The following LRFN5 variants were observed in gnomAD, a reference collection of about 807,000 sequenced individuals.
LRFN5 encodes the protein leucine-rich repeat and fibronectin type-III domain-containing protein 5.
A neutral mutation model predicts 45.6 loss-of-function variants in LRFN5; 24 were observed. That is an observed-to-expected ratio of 0.53 (90% CI 0.38 to 0.74). The LOEUF is 0.74. Among genes scored for constraint, LRFN5 ranks in the 30% least tolerant of loss-of-function variants. The probability of loss-of-function intolerance (pLI) is 0.00; values close to 1 mark genes in which losing one functional copy is unlikely to be tolerated. For synonymous variants in LRFN5, 340 were observed against 313.8 expected (o/e 1.08, Z -0.88); for missense variants, 776 against 861.5 (o/e 0.90, Z 1.24).
chr14:41,849,160 A>G (rs1365707823), intron 2 of LRFN5, among the ~76,000 whole-genome samples: 5 of 152,006 alleles, frequency 3.3e-5, no homozygotes, highest in African/African-American at 9.7e-5. Flanking sequence ...AACAAATTTT[A>G]CTTCCATTAG....
chr14:41,892,297 A>G, intron 4 of LRFN5: 1 of 962,824 alleles, frequency 1.0e-6, no homozygotes, highest in Non-Finnish European at 1.2e-6. Flanking sequence ...TACAGTATAT[A>G]TATATACACA....
chr14:41,804,998 T>C (rs1887470102), intron 2 of LRFN5, among the ~76,000 whole-genome samples: 1 of 152,104 alleles, frequency 6.6e-6, no homozygotes, highest in Admixed American at 6.6e-5. Context: ...CCATTAGTGA[T>C]GGTAATGGTT....
intron 3 of LRFN5, among the ~76,000 whole-genome samples, chr14:41,888,421 G>A (rs986947236): frequency 1.3e-5 from 2 of 152,092 alleles, no homozygotes; most frequent in African/African-American, 4.8e-5. Flanking sequence ...ATTATCTTTA[G>A]AACCTTCGTC....
chr14:41,673,058 A>G (rs1881312449), intron 1 of LRFN5, among the ~76,000 whole-genome samples: 2 of 152,044 alleles, frequency 1.3e-5, no homozygotes, highest in Non-Finnish European at 2.9e-5. Context: ...ATTTTTTCAC[A>G]AGGCAGAAGA....
At chr14:41,752,937 T>G (rs920760195) in intron 1 of LRFN5, among the ~76,000 whole-genome samples, 4 of 152,208 alleles carry the variant, frequency 2.6e-5, no homozygotes, top group Admixed American at 6.5e-5. Flanking sequence ...TGAATTAATT[T>G]TTGTATAAGG....
chr14:41,625,280 T>A (rs1888288840), intron 1 of LRFN5, among the ~76,000 whole-genome samples: 1 of 151,922 alleles, frequency 6.6e-6, no homozygotes, highest in Non-Finnish European at 1.5e-5. Flanking sequence ...ATGGAGATAA[T>A]TGAATCATGG....
At chr14:41,828,260 G>C (rs1888363672) in intron 2 of LRFN5, among the ~76,000 whole-genome samples, 1 of 151,714 alleles carries the variant, frequency 6.6e-6, no homozygotes, top group African/African-American at 2.4e-5. Context: ...TGTTATTATA[G>C]GATATTAATT....
intron 1 of LRFN5, among the ~76,000 whole-genome samples, chr14:41,620,239 G>A (rs2138556179): frequency 6.6e-6 from 1 of 152,084 alleles, no homozygotes; most frequent in African/African-American, 2.4e-5. Context: ...CTTTCCTACA[G>A]ATCTACAGTA....
At chr14:41,677,835 G>A (rs1881704843) in intron 1 of LRFN5, among the ~76,000 whole-genome samples, 1 of 152,040 alleles carries the variant, frequency 6.6e-6, no homozygotes, top group African/African-American at 2.4e-5. Context: ...AACAATGGTT[G>A]AAACTTCTCA....
In LRFN5 at chr14:41,887,545, G is replaced by T; in HGVS notation, c.920G>T (p.Arg307Met). ...RVLEGQRATL[R>M]CKARGDPEPA... is the part of the protein sequence containing the mutation. ...CTGGAGGGACAAAGGGCAACACTGA[G>T]GTGCAAAGCCAGGGGAGACCCTGAG... Residue 307 changes from arginine to methionine, a missense_variant, in exon 3 of 6, where the codon AGG (arginine) becomes ATG (methionine). This residue lies in a region of LRFN5 where 311 missense variants were observed against 405.1 expected (regional missense o/e 0.77). Coordinates refer to ENST00000298119, the MANE Select transcript of LRFN5 (RefSeq NM_152447.5). This position sits in a 1 kb window ranked among gnomAD's most constrained non-coding sequence, Gnocchi z 4.8. 1 of 1,614,152 alleles carries T rather than the reference G, an allele frequency of 6.2e-7. No homozygotes were observed. The highest frequency in any genetic ancestry group is 8.5e-7 in the Non-Finnish European group (1 of 1,180,024).
chr14:41,655,832 T>C (rs999180386), intron 1 of LRFN5, among the ~76,000 whole-genome samples: 4 of 151,930 alleles, frequency 2.6e-5, no homozygotes, highest in Non-Finnish European at 5.9e-5. Context: ...TCAAGCATGA[T>C]CTCACAGTTT....
intron 1 of LRFN5, among the ~76,000 whole-genome samples, chr14:41,684,358 T>C (rs1191876687): frequency 6.6e-6 from 1 of 152,166 alleles, no homozygotes; most frequent in Non-Finnish European, 1.5e-5. Flanking sequence ...CAGTTCAGCA[T>C]GGCTGGGAAG....
chr14:41,682,572 G>T (rs914445354), intron 1 of LRFN5, among the ~76,000 whole-genome samples: 1 of 151,814 alleles, frequency 6.6e-6, no homozygotes, highest in Admixed American at 6.6e-5. Flanking sequence ...TATTTAGCTC[G>T]ACTGCATAAG....
chr14:41,742,742 G>C (rs1425578736), intron 1 of LRFN5: 1 of 158,222 alleles, frequency 6.3e-6, no homozygotes, highest in African/African-American at 2.4e-5. Flanking sequence ...TCCAAAATGG[G>C]AATAAATTTG....
intron 1 of LRFN5, among the ~76,000 whole-genome samples, chr14:41,697,538 G>C (rs1326136090): frequency 6.6e-6 from 1 of 151,660 alleles, no homozygotes; most frequent in African/African-American, 2.4e-5. Flanking sequence ...ATTTAAAACA[G>C]AGATTTTGTT....
At chr14:41,800,991 T>C (rs1001140384) in intron 2 of LRFN5, among the ~76,000 whole-genome samples, 1 of 152,062 alleles carries the variant, frequency 6.6e-6, no homozygotes, top group African/African-American at 2.4e-5. Context: ...TCAACAATCC[T>C]ATGGCAAAAT....
At chr14:41,690,869 A>G (rs1057030624) in intron 1 of LRFN5, among the ~76,000 whole-genome samples, 1 of 152,084 alleles carries the variant, frequency 6.6e-6, no homozygotes. Flanking sequence ...TTATTATTTA[A>G]ACATTTTATC....
At chr14:41,619,549 G>A (rs1282000231) in intron 1 of LRFN5, among the ~76,000 whole-genome samples, 2 of 151,708 alleles carry the variant, frequency 1.3e-5, no homozygotes, top group African/African-American at 4.8e-5. Context: ...AAGCCTCCCT[G>A]GATTATGTTG....
intron 1 of LRFN5, among the ~76,000 whole-genome samples, chr14:41,636,875 C>CT (rs1879331066): frequency 6.6e-6 from 1 of 152,190 alleles, no homozygotes; most frequent in Non-Finnish European, 1.5e-5. Context: ...ACAGGCCCCA[C>CT]TTGCACCAGA....
Sources: allele counts gnomAD v4.1 joint callset (sites outside exome capture counted in the v4.1 genomes callset), GRCh38; gene constraint gnomAD v4.1.1; regional missense constraint gnomAD v4.1.1; non-coding constraint Gnocchi (gnomAD v3.1); transcripts MANE v1.5; gene names NCBI Gene and HGNC (gene_info 2026-07-23, HGNC 2026-07-21).